The following DENND1A variants were observed in gnomAD, a reference collection of about 807,000 sequenced individuals.
DENND1A encodes DENN domain containing 1A, also known as DENN domain-containing protein 1A.
Under a neutral mutation model 113.7 loss-of-function variants are expected in DENND1A, and 51 were observed. That is an observed-to-expected ratio of 0.45 (90% CI 0.36 to 0.57). The LOEUF (loss-of-function observed/expected upper bound fraction) is 0.57. Among genes scored for constraint, DENND1A ranks in the 20% least tolerant of loss-of-function variants. The pLI is 0.00. For synonymous variants in DENND1A, 565 were observed against 570.8 expected (o/e 0.99, Z 0.14); for missense variants, 1,258 against 1,395.9 (o/e 0.90, Z 1.57).
At chr9:123,522,717 C>T (rs970107062) in intron 13 of DENND1A, among the ~76,000 whole-genome samples, 6 of 152,132 alleles carry the variant, frequency 3.9e-5, no homozygotes, top group Admixed American at 6.5e-5. Flanking sequence ...TAATGAGCTC[C>T]TACTATGTCC....
At chr9:123,502,721 C>T (rs1263348599) in intron 13 of DENND1A, among the ~76,000 whole-genome samples, 2 of 152,170 alleles carry the variant, frequency 1.3e-5, no homozygotes, top group Non-Finnish European at 2.9e-5. Context: ...TCTTTCGTAG[C>T]CTGTGCCTTT....
chr9:123,595,523 T>C (rs950127735), intron 11 of DENND1A, among the ~76,000 whole-genome samples: 16 of 151,960 alleles, frequency 1.1e-4, no homozygotes, highest in African/African-American at 3.9e-4. Flanking sequence ...CACAGTAGTA[T>C]GCAGCAGACC....
chr9:123,615,794 A>C (rs2060623575), intron 10 of DENND1A, among the ~76,000 whole-genome samples: 1 of 152,222 alleles, frequency 6.6e-6, no homozygotes, highest in South Asian at 2.1e-4. Context: ...AGAGCCTCCC[A>C]TGGTGCCATG....
intron 1 of DENND1A, among the ~76,000 whole-genome samples, chr9:123,925,901 A>T (rs1857007300): frequency 6.6e-6 from 1 of 152,188 alleles, no homozygotes; most frequent in South Asian, 2.1e-4. Flanking sequence ...CGTTTCTTCA[A>T]ACTCACTTAG....
chr9:123,664,140 C>CACAT (rs1166138786), intron 8 of DENND1A, among the ~76,000 whole-genome samples: 4 of 152,180 alleles, frequency 2.6e-5, no homozygotes, highest in Non-Finnish European at 5.9e-5. Flanking sequence ...TTGTGTGATA[C>CACAT]ACATACATAC....
intron 5 of DENND1A, among the ~76,000 whole-genome samples, chr9:123,735,304 C>T (rs1181007920): frequency 6.6e-6 from 1 of 152,180 alleles, no homozygotes; most frequent in African/African-American, 2.4e-5. Flanking sequence ...ATAATTTGTA[C>T]ACTCTCTCTC....
chr9:123,501,994 T>C (rs1167997576), intron 13 of DENND1A, among the ~76,000 whole-genome samples: 1 of 152,092 alleles, frequency 6.6e-6, no homozygotes, highest in Non-Finnish European at 1.5e-5. Flanking sequence ...TATATATATA[T>C]CTCTCCTATT....
intron 5 of DENND1A, among the ~76,000 whole-genome samples, chr9:123,732,448 A>G (rs1449132755): frequency 2.0e-5 from 3 of 152,252 alleles, no homozygotes; most frequent in Non-Finnish European, 1.5e-5. Context: ...AAAAGGTAAT[A>G]CCATATGATT....
At chr9:123,851,390 G>A (rs1196354284) in intron 2 of DENND1A, among the ~76,000 whole-genome samples, 2 of 152,134 alleles carry the variant, frequency 1.3e-5, no homozygotes, top group Non-Finnish European at 2.9e-5. Flanking sequence ...ACTATTCTAT[G>A]TATAGAACTC....
intron 12 of DENND1A, among the ~76,000 whole-genome samples, chr9:123,558,079 AAC>A (rs1314641138): frequency 6.6e-6 from 1 of 152,246 alleles, no homozygotes; most frequent in Non-Finnish European, 1.5e-5. Context: ...TAAAAACAAA[AAC>A]AATTTTTAAT....
At chr9:123,800,720 A>G (rs957345771) in intron 2 of DENND1A, among the ~76,000 whole-genome samples, 1 of 152,242 alleles carries the variant, frequency 6.6e-6, no homozygotes, top group African/African-American at 2.4e-5. Flanking sequence ...AGTTCAGGAT[A>G]TAAATAAAAT....
At chr9:123,501,562 C>T (rs150241922) in intron 13 of DENND1A, among the ~76,000 whole-genome samples, 8 of 152,328 alleles carry the variant, frequency 5.3e-5, no homozygotes, top group African/African-American at 1.9e-4. Flanking sequence ...AGCAGCCATA[C>T]AATTTTACAT....
intron 13 of DENND1A, among the ~76,000 whole-genome samples, chr9:123,552,273 G>A (rs2057137406): frequency 6.6e-6 from 1 of 152,198 alleles, no homozygotes; most frequent in Non-Finnish European, 1.5e-5. Flanking sequence ...GTGGGCGAGG[G>A]CAGGGTTCTG....
At chr9:123,635,246 T>C (rs1394120868) in intron 9 of DENND1A, among the ~76,000 whole-genome samples, 1 of 152,196 alleles carries the variant, frequency 6.6e-6, no homozygotes, top group Non-Finnish European at 1.5e-5. Flanking sequence ...GTAGGTACCA[T>C]GTTGGGGTTT....
chr9:123,607,490 C>G (rs7853004), intron 11 of DENND1A, among the ~76,000 whole-genome samples: 712 of 47,592 alleles, frequency 0.015, 5 homozygotes, highest in African/African-American at 0.049. Context: ...GAGAGAGAGA[C>G]ACACACACAC....
Position 123,398,033 on chromosome 9 carries a change from G to T in DENND1A, c.1631+5369C>A, listed in dbSNP as rs528285722. 3.3e-5 allele frequency among the ~76,000 whole-genome samples: 5 copies of T among 152,346 alleles called. No homozygotes were observed. The East Asian group carries it at 9.6e-4, about 29-fold the overall frequency. On this transcript the variant is annotated intron_variant, in intron 21 of 23. Transcript: ENST00000394215. ...AAGCACTTGGCTCTGCATGCAGGTT[G>T]TCAGGAGGGGCACCTCAGATCCACA... is the stretch of plus-strand genomic sequence containing the variant.
chr9:123,867,552 G>T (rs536527058), intron 2 of DENND1A, among the ~76,000 whole-genome samples: 94 of 152,268 alleles, frequency 6.2e-4, no homozygotes, highest in African/African-American at 2.2e-3. Context: ...TTTTTGGAAA[G>T]AATATTTTGA....
intron 15 of DENND1A, among the ~76,000 whole-genome samples, chr9:123,456,325 T>C (rs1422324407): frequency 6.6e-6 from 1 of 152,190 alleles, no homozygotes; most frequent in Non-Finnish European, 1.5e-5. Context: ...ATTTTGCATC[T>C]GGTTTTGCCT....
chr9:123,649,066 T>C (rs2062500154), intron 9 of DENND1A, among the ~76,000 whole-genome samples: 1 of 152,208 alleles, frequency 6.6e-6, no homozygotes, highest in African/African-American at 2.4e-5. Flanking sequence ...TTTTGTCAAG[T>C]ATGTTGTGGC....
Sources: gnomAD v4.1 joint callset for allele counts (sites outside exome capture counted in the v4.1 genomes callset) on GRCh38, gnomAD v4.1.1 for gene constraint, MANE v1.5 for transcripts, NCBI Gene and HGNC (gene_info 2026-07-23, HGNC 2026-07-21) for gene names.